Variants in STK32C observed in about 807,000 individuals in gnomAD.
STK32C encodes serine/threonine kinase 32C.
A neutral mutation model predicts 56.5 loss-of-function variants in STK32C; 31 were observed. The observed-to-expected ratio is 0.55, with a 90% CI of 0.41 to 0.74. STK32C has a LOEUF of 0.74. Ranked by LOEUF, STK32C falls within the 30% of genes least tolerant of loss-of-function variation. STK32C has a pLI of 0.00. For synonymous variants in STK32C, 309 were observed against 289.4 expected, an observed-to-expected ratio of 1.07 and a Z score of -0.69; for missense variants, 544 against 676.9, an observed-to-expected ratio of 0.80 and a Z score of 2.18.
upstream of STK32C, among the ~76,000 whole-genome samples, chr10:132,311,580 G>A (rs2066222658): frequency 1.3e-5 from 2 of 152,234 alleles, no homozygotes; most frequent in African/African-American, 4.8e-5. The surrounding 1 kb of genome is among the most constrained non-coding windows in gnomAD (Gnocchi z 4.4). Flanking sequence ...CAGCGACGGA[G>A]AACATGCAGG....
At chr10:132,247,173 T>C (rs1045596291) in intron 1 of STK32C, among the ~76,000 whole-genome samples, 4 of 151,772 alleles carry the variant, frequency 2.6e-5, no homozygotes, top group African/African-American at 9.7e-5. Context: ...CGGCCTAGAG[T>C]CTCATCTCCA....
intron 1 of STK32C, among the ~76,000 whole-genome samples, chr10:132,303,036 A>G (rs2065955082): frequency 6.6e-6 from 1 of 152,232 alleles, no homozygotes; most frequent in South Asian, 2.1e-4. Context: ...CACAAGGTGA[A>G]CCTTGTAAAA....
chr10:132,331,677 C>CT lies in STK32C; in HGVS notation c.59dup (p.Pro21AlafsTer112). On this transcript the variant is annotated frameshift_variant, in exon 1 of 2. Coordinates refer to the STK32C transcript ENST00000368619. LOFTEE classifies it high-confidence loss of function. The stretch of plus-strand genomic sequence containing the variant: ...TCAGCAGCAATTCTTTTCTGCTCGG[C>CT]TGTCCTCGAGCAGCCCCGCCCGCCC... 1 of 1,612,786 alleles carries CT rather than the reference C, an allele frequency of 6.2e-7. No individual in the cohort carries two copies. The highest frequency in any genetic ancestry group is 1.7e-4 in the Middle Eastern group (1 of 6,058).
At chr10:132,264,406 T>C (rs1008398339) in intron 1 of STK32C, among the ~76,000 whole-genome samples, 1 of 152,122 alleles carries the variant, frequency 6.6e-6, no homozygotes, top group Admixed American at 6.5e-5. Flanking sequence ...CAGGGACCCC[T>C]CGAGCTGGGA....
intron 1 of STK32C, among the ~76,000 whole-genome samples, chr10:132,280,444 G>A (rs1364982819): frequency 3.2e-4 from 40 of 125,062 alleles, no homozygotes; most frequent in Admixed American, 4.0e-4. Context: ...CCGTGATCAC[G>A]CCACTGCACC....
At chr10:132,299,907 G>A (rs2065864340) in intron 1 of STK32C, among the ~76,000 whole-genome samples, 1 of 152,240 alleles carries the variant, frequency 6.6e-6, no homozygotes, top group South Asian at 2.1e-4. Context: ...GTCACAAAGT[G>A]ACTGAGGACG....
intron 1 of STK32C, among the ~76,000 whole-genome samples, chr10:132,314,101 C>T (rs556407198): frequency 6.6e-6 from 1 of 152,362 alleles, no homozygotes; most frequent in Admixed American, 6.5e-5. Flanking sequence ...CACCGCGATG[C>T]ACCACCTTAC....
intron 1 of STK32C, among the ~76,000 whole-genome samples, chr10:132,284,471 T>TTGGGAGGGCAGGTGAGGG: frequency 6.9e-6 from 1 of 145,254 alleles, no homozygotes; most frequent in Non-Finnish European, 1.5e-5. Context: ...GCAGGTGAGG[T>TTGGGAGGGCAGGTGAGGG]TGGGAGGGCA....
intron 1 of STK32C, among the ~76,000 whole-genome samples, chr10:132,277,616 TGCCTTTGGGACAGCGGCA>T (rs1286697674): frequency 2.6e-5 from 4 of 152,192 alleles, no homozygotes; most frequent in East Asian, 3.9e-4. Context: ...GCTTTGCAAC[TGCCTTTGGGACAGCGGCA>T]GCCTTTGGGA....
intron 10 of STK32C, among the ~76,000 whole-genome samples, chr10:132,210,937 G>A (rs997056802): frequency 1.3e-5 from 2 of 152,198 alleles, no homozygotes; most frequent in African/African-American, 4.8e-5. Flanking sequence ...GTGTCACCCT[G>A]GTCCTGGGCA....
chr10:132,332,036 G>T (rs1288713491), upstream of STK32C: 10 of 327,600 alleles, frequency 3.1e-5, no homozygotes, highest in South Asian at 7.4e-5. Flanking sequence ...CCCCGCCCCC[G>T]CACGCAGGCA....
Position 132,282,310 on chromosome 10 carries a change from A to C in STK32C, c.262+25262T>G, listed in dbSNP as rs536681850. Reference sequence around the variant, plus strand: ...CTGCGCCAGCTTCCCCAGGCCGTCCAGAGTCGCTGCTGGAACTGGAATAAA... The same window carrying C: ...CTGCGCCAGCTTCCCCAGGCCGTCCCGAGTCGCTGCTGGAACTGGAATAAA... On this transcript the variant is annotated intron_variant, in intron 1 of 11. Transcript: ENST00000298630. Among the ~76,000 whole-genome samples the C allele has an allele frequency of 3.2e-3, 487 of 152,346 alleles. 1 individual carries two copies. Among genetic ancestry groups the C allele is most frequent in the Non-Finnish European group, 5.9e-3 (398 of 68,032 alleles).
chr10:132,331,865 G>C, upstream of STK32C: 1 of 1,352,988 alleles, frequency 7.4e-7, no homozygotes, highest in South Asian at 1.3e-5. Flanking sequence ...CGTTGGCCGC[G>C]TGCGTGCGCA....
At chr10:132,314,225 G>A (rs1027157211) in intron 1 of STK32C, among the ~76,000 whole-genome samples, 3 of 152,222 alleles carry the variant, frequency 2.0e-5, no homozygotes, top group Admixed American at 1.3e-4. Context: ...ATAACACTCT[G>A]CCTGATAGCA....
intron 1 of STK32C, among the ~76,000 whole-genome samples, chr10:132,270,911 C>A (rs1377973898): frequency 1.3e-5 from 2 of 151,528 alleles, no homozygotes; most frequent in Non-Finnish European, 2.9e-5. Flanking sequence ...CAGAAGGATG[C>A]AGCCCCCCTC....
chr10:132,219,268 T>C (rs2062560533), intron 10 of STK32C, among the ~76,000 whole-genome samples: 1 of 152,092 alleles, frequency 6.6e-6, no homozygotes, highest in Non-Finnish European at 1.5e-5. Context: ...AGGTTAACAG[T>C]GGGACTTTTT....
At chr10:132,238,868 T>A (rs563993299) in intron 2 of STK32C, among the ~76,000 whole-genome samples, 39 of 151,894 alleles carry the variant, frequency 2.6e-4, no homozygotes, top group African/African-American at 9.2e-4. Flanking sequence ...CACACACACG[T>A]TCATGTACAC....
rs894499336 is a variant in STK32C at position 132,227,958 on chromosome 10, G to C, written c.470+19C>G. On this transcript the variant is annotated intron_variant, in intron 3 of 11. Coordinates refer to ENST00000298630, the MANE Select transcript of STK32C (RefSeq NM_173575.4). ...TCAGGACGGTAAGTCTTTCTGCAGC[G>C]AGGCCATGGCAGGCTCACCAGAGGT... 1 of 1,611,462 alleles carries C rather than the reference G, an allele frequency of 6.2e-7. No homozygotes were observed.
chr10:132,269,995 T>C (rs1004650358), intron 1 of STK32C, among the ~76,000 whole-genome samples: 1 of 152,198 alleles, frequency 6.6e-6, no homozygotes, highest in Non-Finnish European at 1.5e-5. Flanking sequence ...GCTTTCATGG[T>C]CTCTTGAGAA....
Sources: allele counts gnomAD v4.1 joint callset (sites outside exome capture counted in the v4.1 genomes callset), GRCh38; gene constraint gnomAD v4.1.1; non-coding constraint Gnocchi (gnomAD v3.1); transcripts MANE v1.5; gene names NCBI Gene and HGNC (gene_info 2026-07-23, HGNC 2026-07-21).